MAGI2: variants seen among roughly 807,000 people sequenced by gnomAD.
MAGI2 encodes membrane associated guanylate kinase, WW and PDZ domain containing 2, also known as membrane-associated guanylate kinase, WW and PDZ domain-containing protein 2.
A neutral mutation model predicts 133.3 loss-of-function variants in MAGI2; 35 were observed. The ratio of observed to expected loss-of-function variants is 0.26; its 90% CI spans 0.20 to 0.35. MAGI2 has a LOEUF of 0.35. MAGI2 is among the 10% of genes least tolerant of loss of function. MAGI2 has a pLI of 1.00. For missense variants in MAGI2, 1,636 were observed against 1,863.4 expected (o/e 0.88, Z 2.25); for synonymous variants, 729 against 710.6 (o/e 1.03, Z -0.41).
At chr7:79,062,705 A>AGG (rs1219787785) in intron 1 of MAGI2, among the ~76,000 whole-genome samples, 1 of 151,964 alleles carries the variant, frequency 6.6e-6, no homozygotes, top group African/African-American at 2.4e-5. Context: ...AGGTGCATCC[A>AGG]TGCACCTCCA....
At chr7:79,196,889 T>G (rs1010502824) in intron 1 of MAGI2, among the ~76,000 whole-genome samples, 1 of 151,850 alleles carries the variant, frequency 6.6e-6, no homozygotes, top group South Asian at 2.1e-4. Flanking sequence ...CACCCCAGCC[T>G]CCCAAGTAGC....
At chr7:79,406,423 A>G (rs1031371156) in intron 1 of MAGI2, among the ~76,000 whole-genome samples, 1 of 152,122 alleles carries the variant, frequency 6.6e-6, no homozygotes, top group African/African-American at 2.4e-5. Flanking sequence ...TATTTCAACA[A>G]CTAGAGTTAT....
At chr7:78,756,208 G>A (rs1823929195) in intron 2 of MAGI2, among the ~76,000 whole-genome samples, 1 of 152,180 alleles carries the variant, frequency 6.6e-6, no homozygotes, top group East Asian at 1.9e-4. Context: ...AGTCAGGCAG[G>A]AGATCAGAGC....
chr7:78,892,863 G>A (rs1384841364), intron 2 of MAGI2, among the ~76,000 whole-genome samples: 1 of 152,018 alleles, frequency 6.6e-6, no homozygotes, highest in East Asian at 1.9e-4. Context: ...GGCAACAAAA[G>A]CCAAAATTGA....
At chr7:78,137,438 T>C (rs916261320) in intron 16 of MAGI2, among the ~76,000 whole-genome samples, 1 of 152,222 alleles carries the variant, frequency 6.6e-6, no homozygotes. Flanking sequence ...GTATTAACTG[T>C]CATTCTTTTT....
At chr7:79,399,432 C>A (rs1306667931) in intron 1 of MAGI2, among the ~76,000 whole-genome samples, 1 of 152,026 alleles carries the variant, frequency 6.6e-6, no homozygotes, top group Non-Finnish European at 1.5e-5. Context: ...CAGGAATTAC[C>A]AGGACTGGGG....
At chr7:78,903,649 G>T (rs1271291084) in intron 2 of MAGI2, among the ~76,000 whole-genome samples, 1 of 152,022 alleles carries the variant, frequency 6.6e-6, no homozygotes, top group Non-Finnish European at 1.5e-5. Flanking sequence ...TAAGAATTTG[G>T]TGCCATATAT....
intron 1 of MAGI2, among the ~76,000 whole-genome samples, chr7:79,273,544 G>T (rs925941385): frequency 6.6e-6 from 1 of 151,994 alleles, no homozygotes; most frequent in East Asian, 1.9e-4. Flanking sequence ...AATTTAAGTG[G>T]GTTTTCATTG....
chr7:79,425,762 CAAAAT>C (rs1301173449), intron 1 of MAGI2, among the ~76,000 whole-genome samples: 2 of 149,680 alleles, frequency 1.3e-5, no homozygotes, highest in Non-Finnish European at 3.0e-5. Flanking sequence ...CACATACAGA[CAAAAT>C]AGAGAGAGAG....
intron 15 of MAGI2, among the ~76,000 whole-genome samples, chr7:78,166,875 G>A (rs910537791): frequency 4.6e-5 from 7 of 152,060 alleles, no homozygotes; most frequent in African/African-American, 7.2e-5. Context: ...AAAGAAATAA[G>A]CACTGGCCTT....
At chr7:78,168,747 A>C (rs1825850171) in intron 14 of MAGI2, among the ~76,000 whole-genome samples, 1 of 152,250 alleles carries the variant, frequency 6.6e-6, no homozygotes, top group Admixed American at 6.5e-5. Flanking sequence ...ACGAGGGATC[A>C]AAAAGACTCA....
chr7:78,411,205 A>G (rs1797843244), intron 6 of MAGI2, among the ~76,000 whole-genome samples: 1 of 152,000 alleles, frequency 6.6e-6, no homozygotes, highest in Non-Finnish European at 1.5e-5. Context: ...GGGAGGGTTG[A>G]GTGATATTAT....
At chr7:78,838,917 C>G (rs1357496050) in intron 2 of MAGI2, among the ~76,000 whole-genome samples, 1 of 152,028 alleles carries the variant, frequency 6.6e-6, no homozygotes, top group Non-Finnish European at 1.5e-5. Flanking sequence ...AATGTAAACA[C>G]CATGAGATAC....
chr7:78,477,483 G>A (rs907783058), intron 6 of MAGI2, among the ~76,000 whole-genome samples: 1 of 151,930 alleles, frequency 6.6e-6, no homozygotes. Flanking sequence ...ATAAAGGAGA[G>A]AGGTTTAACT....
intron 2 of MAGI2, among the ~76,000 whole-genome samples, chr7:78,826,673 A>T (rs1270115752): frequency 6.6e-6 from 1 of 152,204 alleles, no homozygotes; most frequent in African/African-American, 2.4e-5. Context: ...ATTGTTTAGG[A>T]GGTCAGGAGA....
At chr7:78,211,418 G>A (rs927885273) in intron 10 of MAGI2, among the ~76,000 whole-genome samples, 1 of 152,142 alleles carries the variant, frequency 6.6e-6, no homozygotes, top group Non-Finnish European at 1.5e-5. Context: ...AAACTGACTT[G>A]GGTTCTAGTC....
intron 2 of MAGI2, among the ~76,000 whole-genome samples, chr7:78,795,996 C>A (rs1208966029): frequency 2.0e-5 from 3 of 152,060 alleles, no homozygotes. Flanking sequence ...AAATGAAATA[C>A]ACACTTAAAT....
chr7:79,042,964 A>T (rs1811810761), intron 1 of MAGI2, among the ~76,000 whole-genome samples: 1 of 152,104 alleles, frequency 6.6e-6, no homozygotes, highest in Admixed American at 6.6e-5. Flanking sequence ...AAATTAAACA[A>T]CCTGCTCCTG....
chr7:79,233,763 G>C (rs200013029), intron 1 of MAGI2, among the ~76,000 whole-genome samples: 34,244 of 107,550 alleles, frequency 0.32, 5,753 homozygotes, highest in Non-Finnish European at 0.44. Flanking sequence ...GCCAGTCTGT[G>C]TCTTTTAATT....
Sources: gnomAD v4.1 joint callset for allele counts (sites outside exome capture counted in the v4.1 genomes callset) on GRCh38, gnomAD v4.1.1 for gene constraint, MANE v1.5 for transcripts, NCBI Gene and HGNC (gene_info 2026-07-23, HGNC 2026-07-21) for gene names.